N4BP1: variants seen among roughly 807,000 people sequenced by gnomAD.
N4BP1 encodes the protein NEDD4-binding protein 1.
In N4BP1, 21 loss-of-function variants were observed where a neutral mutation model predicts 70.9. The observed-to-expected ratio is 0.30, with a 90% CI of 0.21 to 0.43. N4BP1 has a LOEUF of 0.43. Ranked by LOEUF, N4BP1 falls within the 20% of genes least tolerant of loss-of-function variation. The pLI is 1.00. For synonymous variants in N4BP1, 387 were observed against 394.6 expected, an observed-to-expected ratio of 0.98 and a Z score of 0.23; for missense variants, 936 against 1,069.4, an observed-to-expected ratio of 0.88 and a Z score of 1.74.
chr16:48,551,121 C>G (rs1479801943), intron 4 of N4BP1, among the ~76,000 whole-genome samples: 7 of 152,298 alleles, frequency 4.6e-5, no homozygotes, highest in African/African-American at 1.7e-4. Context: ...ACAAACATTA[C>G]TTTTAGCACC....
chr16:48,554,061 A>G (rs1353594855), intron 2 of N4BP1, among the ~76,000 whole-genome samples: 1 of 152,140 alleles, frequency 6.6e-6, no homozygotes, highest in Non-Finnish European at 1.5e-5. Flanking sequence ...GGGAATGGCT[A>G]TATTTACCCA....
chr16:48,567,181 GATTTAC>G (rs1963955444), intron 1 of N4BP1, among the ~76,000 whole-genome samples: 1 of 152,000 alleles, frequency 6.6e-6, no homozygotes, highest in Non-Finnish European at 1.5e-5. Flanking sequence ...TTGGAGTGTT[GATTTAC>G]ATTTAATGTA....
chr16:48,594,027 A>C (rs1310961010), intron 1 of N4BP1, among the ~76,000 whole-genome samples: 2 of 151,618 alleles, frequency 1.3e-5, no homozygotes, highest in African/African-American at 4.8e-5. Flanking sequence ...AACAAAAAAA[A>C]AACCACCTAG....
At chr16:48,594,977 T>C (rs1319970529) in intron 1 of N4BP1, among the ~76,000 whole-genome samples, 3 of 152,144 alleles carry the variant, frequency 2.0e-5, no homozygotes, top group Non-Finnish European at 4.4e-5. Context: ...CTTTGACAGG[T>C]GCTCCTGAAT....
intron 1 of N4BP1, among the ~76,000 whole-genome samples, chr16:48,564,811 C>A (rs190652041): frequency 6.6e-6 from 1 of 152,256 alleles, no homozygotes; most frequent in African/African-American, 2.4e-5. Context: ...GTATTTCTCT[C>A]CATTTATTTA....
At chr16:48,580,612 T>G (rs1178229021) in intron 1 of N4BP1, among the ~76,000 whole-genome samples, 1 of 152,066 alleles carries the variant, frequency 6.6e-6, no homozygotes, top group East Asian at 1.9e-4. Context: ...CAAAACCAGA[T>G]GAGGATAAAA....
Position 48,561,049 on chromosome 16 carries a change from G to T in N4BP1, c.1594C>A (p.Pro532Thr). The T allele has an allele frequency of 1.2e-6, 2 of 1,613,996 alleles. No homozygotes were observed. Among genetic ancestry groups the T allele is most frequent in the Non-Finnish European group, 1.7e-6 (2 of 1,179,878 alleles). Reference protein sequence around the residue: ...PENGLHQQPEPLLPNNMKSAC... With the variant: ...PENGLHQQPETLLPNNMKSAC... ...GATTTCATATTATTTGGAAGCAAGG[G>T]TTCTGGCTGCTGGTGTAAACCATTT... Residue 532 changes from proline to threonine, a missense_variant, in exon 2 of 7, where the codon CCC (proline) becomes ACC (threonine). Coordinates refer to ENST00000262384, the MANE Select transcript of N4BP1 (RefSeq NM_153029.4).
chr16:48,595,869 G>A (rs1034960143), intron 1 of N4BP1, among the ~76,000 whole-genome samples: 10 of 152,178 alleles, frequency 6.6e-5, no homozygotes, highest in African/African-American at 9.7e-5. Context: ...AGGCCCAGGA[G>A]CCCCAAGTTA....
At chr16:48,605,698 C>G (rs1245714533) in intron 1 of N4BP1, among the ~76,000 whole-genome samples, 2 of 152,148 alleles carry the variant, frequency 1.3e-5, no homozygotes, top group African/African-American at 4.8e-5. Context: ...CTATTGAAAA[C>G]CAGCAACAGA....
At chr16:48,597,120 C>A (rs969899421) in intron 1 of N4BP1, among the ~76,000 whole-genome samples, 1 of 152,196 alleles carries the variant, frequency 6.6e-6, no homozygotes, top group Non-Finnish European at 1.5e-5. Flanking sequence ...AAACTCTGAT[C>A]CCCGAATATG....
chr16:48,566,381 T>C (rs1031301768), intron 1 of N4BP1, among the ~76,000 whole-genome samples: 7 of 152,090 alleles, frequency 4.6e-5, no homozygotes, highest in Non-Finnish European at 1.0e-4. Flanking sequence ...GTGGCAGAAG[T>C]TTCCCTTTCA....
intron 1 of N4BP1, among the ~76,000 whole-genome samples, chr16:48,599,323 A>AT (rs1964463699): frequency 6.6e-6 from 1 of 152,196 alleles, no homozygotes; most frequent in South Asian, 2.1e-4. Context: ...AGAATTCCTA[A>AT]GGAGCTAATG....
intron 4 of N4BP1, among the ~76,000 whole-genome samples, chr16:48,549,952 A>G (rs749947088): frequency 1.3e-5 from 2 of 152,220 alleles, no homozygotes; most frequent in Non-Finnish European, 2.9e-5. Flanking sequence ...AGGGGAGAAA[A>G]GAATAAACAG....
intron 1 of N4BP1, among the ~76,000 whole-genome samples, chr16:48,588,886 C>A (rs1281207845): frequency 6.6e-6 from 1 of 151,966 alleles, no homozygotes; most frequent in Non-Finnish European, 1.5e-5. Context: ...GCTGTAAAAA[C>A]CAAAACAAAA....
intron 3 of N4BP1, among the ~76,000 whole-genome samples, chr16:48,552,699 GAAAAAAAAAAAAAAAAAAAAA>G (rs71134556): frequency 0.012 from 229 of 18,504 alleles, 1 homozygote; most frequent in East Asian, 0.054. Context: ...CTCCGTCTCA[GAAAAAAAAAAAAAAAAAAAAA>G]AAAAAAAAAA....
chr16:48,605,998 C>CACCTTGCACACA (rs1964575046), intron 1 of N4BP1, among the ~76,000 whole-genome samples: 1 of 152,188 alleles, frequency 6.6e-6, no homozygotes, highest in African/African-American at 2.4e-5. Context: ...GTTACAGAAA[C>CACCTTGCACACA]ACCTTGCACA....
In N4BP1 at chr16:48,561,203, G is replaced by A; in HGVS notation, c.1440C>T (p.Asn480=). The change falls in exon 2 of 7, where the codon AAC becomes AAT. Residue 480 remains asparagine (N), a synonymous_variant. Transcript: ENST00000262384. ...QKHEVWGSNQ[N]YICNTDPETD... ...TTTCAGGGTCTGTGTTACAAATGTAGTTCTGGTTTGAACCCCAGACTTCAT... is the reference window on the plus strand; with the variant it reads ...TTTCAGGGTCTGTGTTACAAATGTAATTCTGGTTTGAACCCCAGACTTCAT... 1 of 1,614,002 alleles carries A rather than the reference G, an allele frequency of 6.2e-7. No homozygotes were observed. Among genetic ancestry groups the A allele is most frequent in the Non-Finnish European group, 8.5e-7 (1 of 1,179,886 alleles).
rs1316292850 is a variant in N4BP1, at chr16:48,539,159, T to G, written c.*3745A>C. 1 of 152,270 alleles carries G rather than the reference T, an allele frequency of 6.6e-6. No individual in the cohort carries two copies. The highest frequency in any genetic ancestry group is 6.5e-5 in the Admixed American group (1 of 15,286). The allele number at this position is 152,270 out of a possible 1,614,324, so 9.4% of individuals were successfully genotyped here. A position where few individuals can be genotyped will look rare whatever the true frequency, so the allele number is the denominator to read the frequency against. On this transcript the variant is annotated 3_prime_UTR_variant, in exon 7 of 7. Coordinates refer to ENST00000262384, the MANE Select transcript of N4BP1 (RefSeq NM_153029.4). ...CACTAAGCTCAGGAGATGTGAACTTTGTGGTCTGGTCAAACAGCCACTGCA... is the reference window on the plus strand; with the variant it reads ...CACTAAGCTCAGGAGATGTGAACTTGGTGGTCTGGTCAAACAGCCACTGCA...
chr16:48,546,523 G>A (rs778719357), intron 5 of N4BP1: 5 of 313,940 alleles, frequency 1.6e-5, no homozygotes, highest in East Asian at 5.2e-5. Flanking sequence ...GGCTTAGGAA[G>A]CCGCTTCTTC....
Sources: gnomAD v4.1 joint callset for allele counts (sites outside exome capture counted in the v4.1 genomes callset) on GRCh38, gnomAD v4.1.1 for gene constraint, MANE v1.5 for transcripts, NCBI Gene and HGNC (gene_info 2026-07-23, HGNC 2026-07-21) for gene names.